Variants in CLN6 observed in about 807,000 individuals in gnomAD.
CLN6 encodes CLN6 transmembrane ER protein, also known as ceroid-lipofuscinosis neuronal protein 6.
Under a neutral mutation model 33.3 loss-of-function variants are expected in CLN6, and 22 were observed. That is an observed-to-expected ratio of 0.66 (90% CI 0.47 to 0.94). The LOEUF (loss-of-function observed/expected upper bound fraction) is 0.94, where lower values mean the gene tolerates loss of function less well. Among genes scored for constraint, CLN6 ranks in the 40% least tolerant of loss-of-function variants. The pLI is 0.00. For synonymous variants in CLN6, 201 were observed against 174.6 expected (o/e 1.15, Z -1.19); for missense variants, 387 against 417.1 (o/e 0.93, Z 0.63).
At chr15:68,234,527 G>C (rs1892199395), upstream of CLN6, among the ~76,000 whole-genome samples, 2 of 152,096 alleles carry the variant, frequency 1.3e-5, no homozygotes. This position sits in a 1 kb window ranked among gnomAD's most constrained non-coding sequence, Gnocchi z 4.1. Context: ...AGAGATCACT[G>C]CCTTTTACAT....
Position 68,210,458 on chromosome 15 carries a change from A to G in CLN6, c.543-699T>C, listed in dbSNP as rs576557155. Among the ~76,000 whole-genome samples the G allele has an allele frequency of 4.2e-4, 64 of 152,264 alleles. No individual in the cohort carries two copies. Among genetic ancestry groups the G allele is most frequent in the African/African-American group, 1.5e-3 (61 of 41,558 alleles). ...CTGTCCAGGGACCCTGGACCAGCTG[A>G]GCCAGGAGGATTGACATCGCAGGGC... On this transcript the variant is annotated intron_variant, in intron 5 of 6. Transcript: ENST00000249806. The surrounding 1 kb of genome is among the most constrained non-coding windows in gnomAD (Gnocchi z 5.6).
intron 1 of CLN6, among the ~76,000 whole-genome samples, chr15:68,243,751 T>G (rs1328087427): frequency 7.6e-6 from 1 of 131,876 alleles, no homozygotes; most frequent in Non-Finnish European, 1.6e-5. Flanking sequence ...CAAGACTCTA[T>G]CTCAAAAAAA....
In CLN6 at chr15:68,256,900, C is replaced by A; in HGVS notation, c.-32G>T. On this transcript the variant is annotated 5_prime_UTR_variant, in exon 1 of 7. Coordinates refer to the CLN6 transcript ENST00000538696. The surrounding 1 kb of genome is among the most constrained non-coding windows in gnomAD (Gnocchi z 4.1). Reference sequence around the variant, plus strand: ...CCCAGGCAAGGTCCTGGGCGCGGCTCTGGGGAGGGTCAGGGTGCGCGTCCC... The same window carrying A: ...CCCAGGCAAGGTCCTGGGCGCGGCTATGGGGAGGGTCAGGGTGCGCGTCCC... 1.5e-6 allele frequency: 1 copy of A among 662,288 alleles called. No homozygotes were observed. The highest frequency in any genetic ancestry group is 2.3e-5 in the Admixed American group (1 of 42,608). The allele number at this position is 662,288 out of a possible 1,614,324, so 41.0% of individuals were successfully genotyped here.
upstream of CLN6, among the ~76,000 whole-genome samples, chr15:68,232,653 T>C (rs1241895041): frequency 1.3e-5 from 2 of 152,192 alleles, no homozygotes; most frequent in African/African-American, 4.8e-5. The surrounding 1 kb of genome is among the most constrained non-coding windows in gnomAD (Gnocchi z 4.7). Context: ...GGAGTGAACT[T>C]TGACCAGCAA....
intron 1 of CLN6, among the ~76,000 whole-genome samples, chr15:68,238,911 TG>T (rs759170480): frequency 1.4e-4 from 22 of 152,318 alleles, no homozygotes; most frequent in Middle Eastern, 3.4e-3. Flanking sequence ...GTATAATTTG[TG>T]GGGTTAAAAA....
rs36029531 is a variant in CLN6 at position 68,223,978 on chromosome 15, G to A, written c.84-5328C>T. On this transcript the variant is annotated intron_variant, in intron 1 of 6. Transcript: ENST00000249806. ...GGACAATCACTTAAACCTGGGAGGC[G>A]GAGGTTGCAGTGAGCCAGGATCACG... Among the ~76,000 whole-genome samples, 712 of 151,900 alleles carry A rather than the reference G, an allele frequency of 4.7e-3. 2 individuals are homozygous for A. The highest frequency in any genetic ancestry group is 6.7e-3 in the Non-Finnish European group (455 of 67,958).
chr15:68,212,154 G>C (rs970656894), intron 3 of CLN6: 5 of 445,766 alleles, frequency 1.1e-5, no homozygotes, highest in Non-Finnish European at 1.7e-5. Context: ...AGGCTGGAGG[G>C]GACAGCCCAG....
chr15:68,226,318 CAAA>C (rs35031604), intron 1 of CLN6, among the ~76,000 whole-genome samples: 7 of 63,192 alleles, frequency 1.1e-4, no homozygotes, highest in South Asian at 6.3e-4. Context: ...GACTCCATCT[CAAA>C]AAAAAAAAAA....
At chr15:68,230,979 T>C (rs141095452), upstream of CLN6, among the ~76,000 whole-genome samples, 435 of 152,314 alleles carry the variant, frequency 2.9e-3, 3 homozygotes, top group African/African-American at 0.01. This position sits in a 1 kb window ranked among gnomAD's most constrained non-coding sequence, Gnocchi z 4.0. Flanking sequence ...ATGTGCCTCT[T>C]GGAAGGGATG....
chr15:68,249,531 T>C (rs1287832499), intron 1 of CLN6, among the ~76,000 whole-genome samples: 14 of 152,180 alleles, frequency 9.2e-5, no homozygotes, highest in Non-Finnish European at 1.3e-4. Context: ...GCAACATAGA[T>C]AGAACTGGAG....
rs2093188702 is a variant in CLN6, at chr15:68,207,147, A to T, written c.*993T>A. 1 of 151,988 alleles carries T rather than the reference A, an allele frequency of 6.6e-6. No individual in the cohort carries two copies. Among genetic ancestry groups the T allele is most frequent in the African/African-American group, 2.4e-5 (1 of 41,348 alleles). The allele number at this position is 151,988 out of a possible 1,614,324, so 9.4% of individuals were successfully genotyped here. ...CACAGGAAGGGTCCTAGGTAGGGGG[A>T]GGTTCCTCCTCCCTTGAAACCCTGG... On this transcript the variant is annotated 3_prime_UTR_variant, in exon 7 of 7. Coordinates refer to ENST00000249806, the MANE Select transcript of CLN6 (RefSeq NM_017882.3).
chr15:68,209,878 C>T lies in CLN6; in HGVS notation c.543-119G>A, dbSNP rs547040446. 5,609 of 1,432,012 alleles carry T rather than the reference C, an allele frequency of 3.9e-3. 19 individuals carry two copies. Among genetic ancestry groups the T allele is most frequent in the Non-Finnish European group, 4.9e-3 (5,049 of 1,030,526 alleles). The allele number at this position is 1,432,012 out of a possible 1,614,324, so 88.7% of individuals were successfully genotyped here. On this transcript the variant is annotated intron_variant, in intron 5 of 6. Coordinates refer to ENST00000249806, the MANE Select transcript of CLN6 (RefSeq NM_017882.3). The surrounding 1 kb of genome is among the most constrained non-coding windows in gnomAD (Gnocchi z 4.9). Reference sequence around the variant, plus strand: ...ACGTCACAGTTTACAAAACGCCTAGCCTGGGTGAGAGGCGCTCCTCTCCAC... The same window carrying T: ...ACGTCACAGTTTACAAAACGCCTAGTCTGGGTGAGAGGCGCTCCTCTCCAC...
chr15:68,229,040 T>TA (rs2093260015), intron 1 of CLN6, among the ~76,000 whole-genome samples: 1 of 152,080 alleles, frequency 6.6e-6, no homozygotes, highest in East Asian at 1.9e-4. Flanking sequence ...AGCCTCCTGA[T>TA]AAATGACAGA....
chr15:68,212,995 C>T (rs2093210474), intron 3 of CLN6: 1 of 152,272 alleles, frequency 6.6e-6, no homozygotes. Context: ...TCTCGGCTCA[C>T]TGCAACCTCT....
intron 1 of CLN6, among the ~76,000 whole-genome samples, chr15:68,250,754 C>G (rs771698428): frequency 6.6e-6 from 1 of 151,882 alleles, no homozygotes; most frequent in African/African-American, 2.4e-5. Context: ...AAAACACTCA[C>G]GTTAGCCTAC....
intron 1 of CLN6, among the ~76,000 whole-genome samples, chr15:68,249,462 T>G (rs528304936): frequency 6.6e-6 from 1 of 152,304 alleles, no homozygotes; most frequent in Non-Finnish European, 1.5e-5. Context: ...GAAAATGTGG[T>G]ATAGATATAC....
rs566792971 is a variant in CLN6 at position 68,214,402 on chromosome 15, G to C, written c.199-14C>G. The C allele has an allele frequency of 1.2e-6, 2 of 1,602,924 alleles. No homozygotes were observed. Among genetic ancestry groups the C allele is most frequent in the South Asian group, 2.2e-5 (2 of 90,820 alleles). On this transcript the variant is annotated splice_polypyrimidine_tract_variant and intron_variant, in intron 2 of 6. Coordinates refer to ENST00000249806, the MANE Select transcript of CLN6 (RefSeq NM_017882.3). ...AGGGAATACCAGCTGCGGAGCAAAT[G>C]GAAGAATGGGCTCACCTGGGCACAG...
chr15:68,253,504 T>C (rs1892400791), intron 1 of CLN6, among the ~76,000 whole-genome samples: 1 of 152,234 alleles, frequency 6.6e-6, no homozygotes, highest in South Asian at 2.1e-4. Context: ...ACATCTAACT[T>C]GCACTTTTAT....
chr15:68,255,765 CTTCAA>C (rs1435720454), intron 1 of CLN6, among the ~76,000 whole-genome samples: 36 of 152,320 alleles, frequency 2.4e-4, no homozygotes, highest in Admixed American at 2.3e-3. Flanking sequence ...AAATGAAATA[CTTCAA>C]TTCATTTCAC....
Sources: gnomAD v4.1 joint callset for allele counts (sites outside exome capture counted in the v4.1 genomes callset) on GRCh38, gnomAD v4.1.1 for gene constraint, Gnocchi (gnomAD v3.1) non-coding constraint, MANE v1.5 for transcripts, NCBI Gene and HGNC (gene_info 2026-07-23, HGNC 2026-07-21) for gene names.